Variants in SEMA4D observed in about 807,000 individuals in gnomAD.
SEMA4D encodes the protein semaphorin 4D, also known as semaphorin-4D.
A neutral mutation model predicts 74.8 loss-of-function variants in SEMA4D; 22 were observed. That is an observed-to-expected ratio of 0.29 (90% CI 0.21 to 0.42). The LOEUF (loss-of-function observed/expected upper bound fraction) is 0.42. SEMA4D is among the 10% of genes least tolerant of loss of function. The pLI, the probability that SEMA4D is intolerant of heterozygous loss-of-function variation, is 1.00. For missense variants in SEMA4D, 937 were observed against 1,118.4 expected (o/e 0.84, Z 2.31); for synonymous variants, 445 against 463.7 (o/e 0.96, Z 0.52).
intron 7 of SEMA4D, 90 bp from the exon 8 acceptor site, chr9:89,392,626 C>T: frequency 1.2e-6 from 1 of 802,140 alleles, no homozygotes; most frequent in South Asian, 1.5e-5. Flanking sequence ...ACGGTGTTTT[C>T]CTTTATAACC....
chr9:89,399,288 C>T lies in SEMA4D; in HGVS notation c.303G>A (p.Gly101=), dbSNP rs1841679089. The change falls in exon 5 of 16, where the codon GGG becomes GGA. Residue 101 remains glycine (G), a synonymous_variant. Transcript: ENST00000422704. The part of the protein sequence containing the change: ...EDKKAKCAEK[G]KSKQTECLNY... ...AAAAGAAATTTACCTGTTTTGATTT[C>T]CCCTTTTCTGCACATTTTGCTTTTT... The T allele has an allele frequency of 6.2e-7, 1 of 1,613,576 alleles. No homozygotes were observed.
intron 2 of SEMA4D, among the ~76,000 whole-genome samples, chr9:89,409,220 G>A (rs1468042077): frequency 6.6e-6 from 1 of 152,232 alleles, no homozygotes; most frequent in Non-Finnish European, 1.5e-5. Context: ...GACATTCTGG[G>A]AAAGGCAAAA....
chr9:89,385,365 C>A, intron 13 of SEMA4D: 11 of 985,428 alleles, frequency 1.1e-5, no homozygotes, highest in Non-Finnish European at 1.3e-5. Flanking sequence ...GCTGAGGCCA[C>A]TGAACAGCAC....
chr9:89,382,949 C>T (rs916621986), intron 13 of SEMA4D, among the ~76,000 whole-genome samples: 1 of 152,186 alleles, frequency 6.6e-6, no homozygotes, highest in Admixed American at 6.5e-5. Flanking sequence ...ACCTCCTGCA[C>T]CCTGCGGGAG....
chr9:89,417,318 C>T (rs937859169), intron 2 of SEMA4D, among the ~76,000 whole-genome samples: 1 of 152,196 alleles, frequency 6.6e-6, no homozygotes, highest in African/African-American at 2.4e-5. Context: ...CCAATAAGCA[C>T]AGAAAGTGCT....
chr9:89,494,176 T>C lies in SEMA4D; in HGVS notation c.-310+3743A>G, dbSNP rs541447914. Among the ~76,000 whole-genome samples the C allele has an allele frequency of 4.6e-5, 7 of 152,358 alleles. No individual in the cohort carries two copies. The East Asian group carries it at 1.2e-3, about 25-fold the overall frequency. On this transcript the variant is annotated intron_variant, in intron 1 of 15. Transcript: ENST00000422704. ...CGCCAGAGGAAAGTATATGACCTAA[T>C]GAAGACCACTTTTTGAAAATTCATT... is the stretch of plus-strand genomic sequence containing the variant.
At chr9:89,384,224 A>G (rs376456132) in intron 13 of SEMA4D, among the ~76,000 whole-genome samples, 1 of 152,256 alleles carries the variant, frequency 6.6e-6, no homozygotes, top group African/African-American at 2.4e-5. Context: ...AGAAGCCAGA[A>G]GGTGGGAGCA....
intron 6 of SEMA4D, among the ~76,000 whole-genome samples, chr9:89,394,708 C>G (rs1370722497): frequency 6.6e-6 from 1 of 152,196 alleles, no homozygotes; most frequent in African/African-American, 2.4e-5. Flanking sequence ...AGCTGACACC[C>G]TTGAAAGGCC....
chr9:89,415,618 C>T (rs764744568), intron 2 of SEMA4D, among the ~76,000 whole-genome samples: 11 of 152,192 alleles, frequency 7.2e-5, no homozygotes, highest in South Asian at 4.1e-4. Flanking sequence ...TGTGAGAAGA[C>T]GCTGTCTATG....
chr9:89,385,865 T>TTGGGGGGGGGGGGGGGG, intron 13 of SEMA4D: 1 of 213,328 alleles, frequency 4.7e-6, no homozygotes, highest in Non-Finnish European at 8.0e-6. Context: ...CCAGCGTGGA[T>TTGGGGGGGGGGGGGGGG]GCCCGCCCAC....
At chr9:89,462,986 GAAAGAGA>G (rs1857709983) in intron 1 of SEMA4D, among the ~76,000 whole-genome samples, 2 of 148,750 alleles carry the variant, frequency 1.3e-5, no homozygotes, top group African/African-American at 2.5e-5. Context: ...GAGCGAGGGA[GAAAGAGA>G]GGCATGTAAG....
In SEMA4D at chr9:89,387,693, G is replaced by C. The variant is rs114226163; in HGVS notation, c.1108-85C>G. The C allele has an allele frequency of 1.1e-4, 136 of 1,198,818 alleles. No individual in the cohort carries two copies. The African/African-American group carries it at 1.2e-3, about 10-fold the overall frequency. The allele number at this position is 1,198,818 out of a possible 1,614,324, so 74.3% of individuals were successfully genotyped here. ...CCACACAAGCAGCCAACGCAGGGGG[G>C]GCTGCAAAACCTGGAAACCACACAA... On this transcript the variant is annotated intron_variant, in intron 11 of 15. Coordinates refer to ENST00000422704, the MANE Select transcript of SEMA4D (RefSeq NM_001371194.2).
chr9:89,467,053 G>C (rs1858914117), intron 1 of SEMA4D, among the ~76,000 whole-genome samples: 1 of 152,252 alleles, frequency 6.6e-6, no homozygotes, highest in East Asian at 1.9e-4. Flanking sequence ...AGCCCCATGT[G>C]TGAAGTTAAC....
rs1284570449 is a variant in SEMA4D at position 89,484,986 on chromosome 9, T to A, written c.-310+12933A>T. 1.7e-5 allele frequency among the ~76,000 whole-genome samples: 2 copies of A among 118,402 alleles called. No homozygotes were observed. Among genetic ancestry groups the A allele is most frequent in the Admixed American group, 1.6e-4 (2 of 12,646 alleles). 77.7% of individuals were successfully genotyped at this position (118,402 alleles called of 152,430 possible). On this transcript the variant is annotated intron_variant, in intron 1 of 15. Coordinates refer to ENST00000422704, the MANE Select transcript of SEMA4D (RefSeq NM_001371194.2). The surrounding 1 kb of genome is among the most constrained non-coding windows in gnomAD (Gnocchi z 4.1). ...GTGGTGGAGGCATATGTGTGTAGTATGTTGTGTGTGTGTGTGTGTGTGTGT... is the reference window on the plus strand; with the variant it reads ...GTGGTGGAGGCATATGTGTGTAGTAAGTTGTGTGTGTGTGTGTGTGTGTGT...
At chr9:89,441,581 G>A (rs1851670596) in intron 2 of SEMA4D, among the ~76,000 whole-genome samples, 1 of 152,252 alleles carries the variant, frequency 6.6e-6, no homozygotes, top group African/African-American at 2.4e-5. Context: ...ACCATGGGAA[G>A]GAAGTGAGGG....
intron 2 of SEMA4D, among the ~76,000 whole-genome samples, chr9:89,422,149 C>G (rs1388021684): frequency 6.6e-6 from 1 of 152,200 alleles, no homozygotes; most frequent in African/African-American, 2.4e-5. Context: ...TCGGGTGTCT[C>G]CTGTACTAAC....
At chr9:89,483,117 C>T (rs1216232366) in intron 1 of SEMA4D, among the ~76,000 whole-genome samples, 1 of 152,228 alleles carries the variant, frequency 6.6e-6, no homozygotes. Context: ...TCCAACCGTG[C>T]TCTTGTGGAA....
chr9:89,461,016 G>C (rs1010893911), intron 1 of SEMA4D, among the ~76,000 whole-genome samples: 3 of 152,134 alleles, frequency 2.0e-5, no homozygotes, highest in Non-Finnish European at 4.4e-5. Context: ...AGTCATGCTC[G>C]GGGGCTCTGC....
chr9:89,362,397 GGTGGCTACA>G (rs760149170), exon 19 of SEMA4D: 2 of 1,614,068 alleles, frequency 1.2e-6, no homozygotes, highest in Non-Finnish European at 1.7e-6. Context: ...ACTCCTTCCT[GGTGGCTACA>G]GGGTGTCCTT....
Sources: gnomAD v4.1 joint callset for allele counts (sites outside exome capture counted in the v4.1 genomes callset) on GRCh38, gnomAD v4.1.1 for gene constraint, Gnocchi (gnomAD v3.1) non-coding constraint, MANE v1.5 for transcripts, NCBI Gene and HGNC (gene_info 2026-07-23, HGNC 2026-07-21) for gene names.